The following OR8D1 variants were observed in gnomAD, a reference collection of about 807,000 sequenced individuals.
OR8D1 encodes olfactory receptor family 8 subfamily D member 1, also known as olfactory receptor 8D1.
For synonymous variants in OR8D1, 143 were observed against 147.0 expected (o/e 0.97, Z 0.20); for missense variants, 384 against 366.8 (o/e 1.05, Z -0.38).
Position 124,303,499 on chromosome 11 carries a change from A to C in OR8D1, c.*6341T>G, listed in dbSNP as rs557439824. Reference sequence around the variant, plus strand: ...GTTTTCAATGTAAATTGCTGCTTATATCTTTTGCCTGGTTTTCTATTAGGC... The same window carrying C: ...GTTTTCAATGTAAATTGCTGCTTATCTCTTTTGCCTGGTTTTCTATTAGGC... On this transcript the variant is annotated 3_prime_UTR_variant, in exon 3 of 3. Transcript: ENST00000641015. The C allele has an allele frequency of 4.6e-5, 7 of 152,158 alleles. No individual in the cohort carries two copies. The highest frequency in any genetic ancestry group is 1.3e-4 in the Admixed American group (2 of 15,262). The allele number at this position is 152,158 out of a possible 1,614,324, so 9.4% of individuals were successfully genotyped here.
At position 124,306,566 on chromosome 11, in the gene OR8D1, C is replaced by A. The variant is rs1324843291; in HGVS notation, c.*3274G>T. On this transcript the variant is annotated 3_prime_UTR_variant, in exon 3 of 3. Coordinates refer to ENST00000641015, the MANE Select transcript of OR8D1 (RefSeq NM_001002917.2). Reference sequence around the variant, plus strand: ...CCTTATTTTCCCTTCTGTAGTAAGACAAAAACATCCTAATAGTGTGCTGAT... The same window carrying A: ...CCTTATTTTCCCTTCTGTAGTAAGAAAAAAACATCCTAATAGTGTGCTGAT... 6.6e-6 allele frequency: 1 copy of A among 151,578 alleles called. No individual in the cohort carries two copies. Among genetic ancestry groups the A allele is most frequent in the Non-Finnish European group, 1.5e-5 (1 of 67,820 alleles). 9.4% of individuals were successfully genotyped at this position (151,578 alleles called of 1,614,324 possible). A position where few individuals can be genotyped will look rare whatever the true frequency, so the allele number is the denominator to read the frequency against.
At chr11:124,311,957 A>T (rs1435958282) in intron 1 of OR8D1, among the ~76,000 whole-genome samples, 2 of 152,198 alleles carry the variant, frequency 1.3e-5, no homozygotes, top group South Asian at 4.1e-4. Flanking sequence ...CAATGAATGG[A>T]AAGGTTTGGG....
chr11:124,307,643 A>G lies in OR8D1; in HGVS notation c.*2197T>C, dbSNP rs1001904803. On this transcript the variant is annotated 3_prime_UTR_variant, in exon 3 of 3. Coordinates refer to ENST00000641015, the MANE Select transcript of OR8D1 (RefSeq NM_001002917.2). ...GAATCAGAAAATATTGGTGCAGCTT[A>G]AAATTGAACACAAAGGGGAAGCTTT... The G allele has an allele frequency of 3.0e-4, 46 of 152,170 alleles. No homozygotes were observed. Among genetic ancestry groups the G allele is most frequent in the African/African-American group, 9.6e-4 (40 of 41,456 alleles). The allele number at this position is 152,170 out of a possible 1,614,324, so 9.4% of individuals were successfully genotyped here.
In OR8D1 at chr11:124,309,601, T is replaced by TA. The variant is rs1322141013; in HGVS notation, c.*238dup. On this transcript the variant is annotated 3_prime_UTR_variant, in exon 3 of 3. Transcript: ENST00000641015. ...CTCATGTCTTTTCTATCACAATTGG[T>TA]AAAAGAAATTAAAACTACCTAGACC... is the stretch of plus-strand genomic sequence containing the variant. 3.6e-5 allele frequency: 9 copies of TA among 249,568 alleles called. No individual in the cohort carries two copies. The highest frequency in any genetic ancestry group is 6.8e-5 in the Non-Finnish European group (9 of 131,986). The allele number at this position is 249,568 out of a possible 1,614,324, so 15.5% of individuals were successfully genotyped here.
At chr11:124,311,089 A>T (rs1565331764) in intron 2 of OR8D1, among the ~76,000 whole-genome samples, 3 of 152,298 alleles carry the variant, frequency 2.0e-5, no homozygotes, top group East Asian at 3.9e-4. Flanking sequence ...TGTCACAGTT[A>T]AACAGTAGAA....
Position 124,309,619 on chromosome 11 carries a change from C to A in OR8D1, c.*221G>T. On this transcript the variant is annotated 3_prime_UTR_variant, in exon 3 of 3. Transcript: ENST00000641015. ...CAATTGGTAAAAGAAATTAAAACTA[C>A]CTAGACCTTAGTTTTCCTATCAAAA... is the stretch of plus-strand genomic sequence containing the variant. 3.4e-6 allele frequency: 1 copy of A among 293,604 alleles called. No individual in the cohort carries two copies. The highest frequency in any genetic ancestry group is 1.4e-4 in the South Asian group (1 of 6,900). The allele number at this position is 293,604 out of a possible 1,614,324, so 18.2% of individuals were successfully genotyped here. A position where few individuals can be genotyped will look rare whatever the true frequency, so the allele number is the denominator to read the frequency against.
chr11:124,305,094 C>A lies in OR8D1; in HGVS notation c.*4746G>T, dbSNP rs928140353. On this transcript the variant is annotated 3_prime_UTR_variant, in exon 3 of 3. Transcript: ENST00000641015. ...TTTTGGATACAGACATCTAGTCAAT[C>A]AGAACAATCTGTTGAACAGATTTTC... The A allele has an allele frequency of 2.0e-5, 3 of 151,928 alleles. No homozygotes were observed. The East Asian group carries it at 5.8e-4, about 29-fold the overall frequency. 9.4% of individuals were successfully genotyped at this position (151,928 alleles called of 1,614,324 possible).
chr11:124,313,551 C>CA (rs535111289), intron 1 of OR8D1, among the ~76,000 whole-genome samples, 170 bp downstream of exon 1: 108 of 152,134 alleles, frequency 7.1e-4, no homozygotes, highest in Middle Eastern at 3.4e-3. Context: ...AGTGACAAGG[C>CA]AAAATCAATA....
At chr11:124,312,820 G>A (rs1190750292) in intron 1 of OR8D1, among the ~76,000 whole-genome samples, 2 of 151,830 alleles carry the variant, frequency 1.3e-5, no homozygotes, top group Admixed American at 1.3e-4. Context: ...GAGAAGGTAG[G>A]AATTTATGTT....
At position 124,313,884 on chromosome 11, in the gene OR8D1, A is replaced by G. The variant is rs1232078784; in HGVS notation, c.-285T>C. 6.6e-6 allele frequency: 1 copy of G among 152,178 alleles called. No homozygotes were observed. 9.4% of individuals were successfully genotyped at this position (152,178 alleles called of 1,614,324 possible). On this transcript the variant is annotated 5_prime_UTR_variant, in exon 1 of 3. Transcript: ENST00000641015. Reference sequence around the variant, plus strand: ...GGTTGGCTAAAAGTAAAACATCAAAATTTATTAAATAGTACAAACAACTCT... The same window carrying G: ...GGTTGGCTAAAAGTAAAACATCAAAGTTTATTAAATAGTACAAACAACTCT...
Position 124,309,105 on chromosome 11 carries a change from T to G in OR8D1, c.*735A>C, listed in dbSNP as rs1039625673. 6.6e-6 allele frequency: 1 copy of G among 152,104 alleles called. No individual in the cohort carries two copies. The highest frequency in any genetic ancestry group is 6.5e-5 in the Admixed American group (1 of 15,268). The allele number at this position is 152,104 out of a possible 1,614,324, so 9.4% of individuals were successfully genotyped here. On this transcript the variant is annotated 3_prime_UTR_variant, in exon 3 of 3. Transcript: ENST00000641015. The stretch of plus-strand genomic sequence containing the variant: ...TATATCTTCCCTATGAGGAAGGTTT[T>G]TCAACCTTAGGCAACTCCATTGCAA...
rs1223324327 is a variant in OR8D1 at position 124,310,666 on chromosome 11, A to G, written c.101T>C (p.Ile34Thr). ...QLPLFLLFLG[I>T]YVVTVVGNLG... Reference sequence around the variant, plus strand: ...GTTGCCCACTACTGTGACCACATAGATTCCCAGGAACAGGAGGAAGAGGGG... The same window carrying G: ...GTTGCCCACTACTGTGACCACATAGGTTCCCAGGAACAGGAGGAAGAGGGG... The change falls in exon 3 of 3, where the codon ATC becomes ACC. Residue 34 changes from isoleucine (I) to threonine (T), a missense_variant. By Grantham distance (89) the Ile-to-Thr change is moderately conservative (BLOSUM62 -1). Transcript: ENST00000641015. The G allele has an allele frequency of 6.2e-7, 1 of 1,613,870 alleles. No homozygotes were observed. The highest frequency in any genetic ancestry group is 8.5e-7 in the Non-Finnish European group (1 of 1,179,898).
At chr11:124,311,893 T>C (rs1392031871) in intron 1 of OR8D1, among the ~76,000 whole-genome samples, 3 of 152,120 alleles carry the variant, frequency 2.0e-5, no homozygotes, top group Non-Finnish European at 2.9e-5. Flanking sequence ...CCAATGTCTA[T>C]TTGACAACAG....
rs757179859 is a variant in OR8D1, at chr11:124,310,281, G to C, written c.486C>G (p.Ala162=). 15 of 1,613,716 alleles carry C rather than the reference G, an allele frequency of 9.3e-6. No individual in the cohort carries two copies. Among genetic ancestry groups the C allele is most frequent in the African/African-American group, 4.0e-5 (3 of 74,902 alleles). The change falls in exon 3 of 3, where the codon GCC becomes GCG. Residue 162 remains alanine, a synonymous_variant. Coordinates refer to ENST00000641015, the MANE Select transcript of OR8D1 (RefSeq NM_001002917.2). The stretch of plus-strand genomic sequence containing the variant: ...ATTTGCAAAAGGACAGTTTCATCAT[G>C]GCACTTGTATGAGTCAAGGCAGAGA... ...GFLSALTHTS[A]MMKLSFCKSH...
rs961835950 is a variant in OR8D1, at chr11:124,306,529, C to G, written c.*3311G>C. The G allele has an allele frequency of 6.6e-6, 1 of 151,574 alleles. No homozygotes were observed. The highest frequency in any genetic ancestry group is 2.4e-5 in the African/African-American group (1 of 41,332). 9.4% of individuals were successfully genotyped at this position (151,574 alleles called of 1,614,324 possible). ...TTTGGTCAGCTAAAATTCTTTTTCT[C>G]TTCTCCATTGTCCTTATTTTCCCTT... On this transcript the variant is annotated 3_prime_UTR_variant, in exon 3 of 3. Transcript: ENST00000641015.
intron 1 of OR8D1, among the ~76,000 whole-genome samples, chr11:124,312,508 T>G (rs1015711585): frequency 1.7e-4 from 24 of 143,816 alleles, no homozygotes; most frequent in Non-Finnish European, 3.1e-4. Flanking sequence ...ACATTTTTCT[T>G]TCTTTCTTTC....
chr11:124,310,944 G>A, intron 2 of OR8D1, 162 bp from the exon 3 acceptor site: 1 of 528,026 alleles, frequency 1.9e-6, no homozygotes, highest in South Asian at 3.6e-5. Flanking sequence ...AAAGTTCCCT[G>A]GGCCTTCTCC....
At position 124,310,096 on chromosome 11, in the gene OR8D1, C is replaced by T; in HGVS notation, c.671G>A (p.Ser224Asn). Residue 224 changes from serine to asparagine, a missense_variant, in exon 3 of 3, where the codon AGC becomes AAC. Coordinates refer to ENST00000641015, the MANE Select transcript of OR8D1 (RefSeq NM_001002917.2). ...VAVSYAFILY[S>N]ILHIRSSEGR... ...CTCTGAGGAGCGGATGTGAAGGATG[C>T]TGTAGAGGATGAAGGCATAGGAGAC... 6.2e-7 allele frequency: 1 copy of T among 1,613,598 alleles called. No homozygotes were observed. The highest frequency in any genetic ancestry group is 8.5e-7 in the Non-Finnish European group (1 of 1,179,824).
At position 124,310,799 on chromosome 11, in the gene OR8D1, T is replaced by C. The variant is rs1243328194; in HGVS notation, c.-16-17A>G. Reference sequence around the variant, plus strand: ...TAGGCATTTCTGTGAAAATAGAAAGTATGAATTACCTTAACATGGACCCTC... The same window carrying C: ...TAGGCATTTCTGTGAAAATAGAAAGCATGAATTACCTTAACATGGACCCTC... On this transcript the variant is annotated splice_polypyrimidine_tract_variant and intron_variant, in intron 2 of 2. Transcript: ENST00000641015. 2 of 1,537,584 alleles carry C rather than the reference T, an allele frequency of 1.3e-6. No individual in the cohort carries two copies. The highest frequency in any genetic ancestry group is 1.4e-5 in the African/African-American group (1 of 73,296).
Sources: gnomAD v4.1 joint callset for allele counts (sites outside exome capture counted in the v4.1 genomes callset) on GRCh38, gnomAD v4.1.1 for gene constraint, MANE v1.5 for transcripts, NCBI Gene and HGNC (gene_info 2026-07-23, HGNC 2026-07-21) for gene names.